SCN2A: variants seen among roughly 807,000 people sequenced by gnomAD.
The protein encoded by SCN2A is sodium channel protein type 2 subunit alpha.
In SCN2A, 20 loss-of-function variants were observed where a neutral mutation model predicts 188.7. The ratio of observed to expected loss-of-function variants is 0.11; its 90% CI spans 0.07 to 0.15. SCN2A has a LOEUF of 0.15. Ranked by LOEUF, SCN2A falls within the 10% of genes least tolerant of loss-of-function variation. SCN2A has a pLI of 1.00. For missense variants in SCN2A, 1,278 were observed against 2,445.0 expected (o/e 0.52, Z 10.07); for synonymous variants, 804 against 833.1 (o/e 0.97, Z 0.60).
intron 1 of SCN2A, among the ~76,000 whole-genome samples, chr2:165,246,200 A>G (rs1297870241): frequency 1.3e-5 from 2 of 152,212 alleles, no homozygotes; most frequent in South Asian, 2.1e-4. Flanking sequence ...GTTTTCATGA[A>G]TGTGTAATCC....
intron 11 of SCN2A, among the ~76,000 whole-genome samples, chr2:165,321,104 A>G (rs1049825432): frequency 6.6e-6 from 1 of 152,210 alleles, no homozygotes; most frequent in African/African-American, 2.4e-5. Context: ...TTCTTCTGCC[A>G]GATACTCTAA....
intron 17 of SCN2A, among the ~76,000 whole-genome samples, chr2:165,359,324 G>T (rs550848233): frequency 6.6e-6 from 1 of 152,168 alleles, no homozygotes; most frequent in East Asian, 1.9e-4. Flanking sequence ...GGCACTTTCG[G>T]ATAATAGCTT....
rs746635681 is a variant in SCN2A, at chr2:165,331,352, A to G, written c.2172A>G (p.Lys724=). 1 of 1,613,726 alleles carries G rather than the reference A, an allele frequency of 6.2e-7. No individual in the cohort carries two copies. The highest frequency in any genetic ancestry group is 2.2e-5 in the East Asian group (1 of 44,882). Reference sequence around the variant, plus strand: ...CAGAACTTGAAGAATCCAGACAGAAATGCCCACCATGCTGGTATAAATTTG... The same window carrying G: ...CAGAACTTGAAGAATCCAGACAGAAGTGCCCACCATGCTGGTATAAATTTG... The part of the protein sequence containing the change: ...TMEELEESRQ[K]CPPCWYKFAN... The change falls in exon 14 of 27, where the codon AAA becomes AAG. Residue 724 remains lysine (K), a synonymous_variant. Coordinates refer to ENST00000375437, the MANE Select transcript of SCN2A (RefSeq NM_001040142.2).
intron 10 of SCN2A, among the ~76,000 whole-genome samples, chr2:165,315,080 T>A (rs975944049): frequency 2.0e-5 from 3 of 152,194 alleles, no homozygotes; most frequent in African/African-American, 7.2e-5. Context: ...TTCTTTATTG[T>A]GTGAAAATGG....
intron 1 of SCN2A, among the ~76,000 whole-genome samples, chr2:165,255,722 A>G (rs1332384010): frequency 6.6e-6 from 1 of 152,086 alleles, no homozygotes; most frequent in African/African-American, 2.4e-5. Flanking sequence ...TTGATGATAT[A>G]TTTTCTCAGC....
At chr2:165,288,731 CAT>C (rs66684641) in intron 1 of SCN2A, among the ~76,000 whole-genome samples, 41,407 of 132,198 alleles carry the variant, frequency 0.31, 5,919 homozygotes, top group Middle Eastern at 0.45. Flanking sequence ...GATACATATA[CAT>C]GTGTGTGTGT....
At chr2:165,247,279 T>C (rs550928485) in intron 1 of SCN2A, among the ~76,000 whole-genome samples, 8 of 152,330 alleles carry the variant, frequency 5.3e-5, no homozygotes, top group Middle Eastern at 3.4e-3. Flanking sequence ...TTCCTTCAAC[T>C]ATCTTTTTTT....
intron 1 of SCN2A, among the ~76,000 whole-genome samples, chr2:165,245,694 A>G (rs1408730679): frequency 6.6e-6 from 1 of 152,178 alleles, no homozygotes; most frequent in Non-Finnish European, 1.5e-5. Context: ...TGTCATCTAA[A>G]CCAGGATTCA....
At chr2:165,379,472 A>T (rs1186221391) in intron 23 of SCN2A, among the ~76,000 whole-genome samples, 1 of 151,720 alleles carries the variant, frequency 6.6e-6, no homozygotes, top group African/African-American at 2.4e-5. Context: ...AGCAGGGATG[A>T]TGGAGTTTAT....
intron 1 of SCN2A, among the ~76,000 whole-genome samples, chr2:165,277,443 T>A (rs553213084): frequency 6.6e-6 from 1 of 152,310 alleles, no homozygotes; most frequent in Admixed American, 6.5e-5. Flanking sequence ...ATAGGGAGAA[T>A]GTAGAAATAA....
chr2:165,338,275 T>G (rs1699108999), intron 14 of SCN2A, among the ~76,000 whole-genome samples: 1 of 151,684 alleles, frequency 6.6e-6, no homozygotes. Context: ...TTTTTTTTTT[T>G]TTGAGACGGA....
At chr2:165,305,351 A>G (rs1697060754) in intron 3 of SCN2A, among the ~76,000 whole-genome samples, 1 of 152,228 alleles carries the variant, frequency 6.6e-6, no homozygotes, top group Non-Finnish European at 1.5e-5. Context: ...TCCTATGGAC[A>G]ATCAAGTATG....
intron 1 of SCN2A, among the ~76,000 whole-genome samples, chr2:165,290,145 TATAAC>T (rs774064411): frequency 3.9e-5 from 6 of 152,164 alleles, no homozygotes; most frequent in Non-Finnish European, 8.8e-5. Context: ...TTTCAATACA[TATAAC>T]ATATACTGAT....
chr2:165,376,150 ATATAT>A (rs1388785873), intron 22 of SCN2A, among the ~76,000 whole-genome samples: 1 of 151,944 alleles, frequency 6.6e-6, no homozygotes, highest in East Asian at 1.9e-4. Context: ...GTTAATAATA[ATATAT>A]TATATACTTG....
In SCN2A at chr2:165,291,440, T is replaced by TTCTTTC. The variant is rs1214465225; in HGVS notation, c.-51-4331_-51-4326dup. ...CCTCCCTGTCTGTCTTTCTTTCTCT[T>TTCTTTC]TCTTTCTTTCTTTCTTTCTTTCTTT... On this transcript the variant is annotated intron_variant, in intron 1 of 26. Coordinates refer to ENST00000375437, the MANE Select transcript of SCN2A (RefSeq NM_001040142.2). Among the ~76,000 whole-genome samples, 34 of 24,184 alleles carry TTCTTTC rather than the reference T, an allele frequency of 1.4e-3. 1 individual carries two copies. Among genetic ancestry groups the TTCTTTC allele is most frequent in the African/African-American group, 4.3e-3 (34 of 7,842 alleles). 15.9% of individuals were successfully genotyped at this position (24,184 alleles called of 152,430 possible).
chr2:165,315,469 AGGC>A lies in SCN2A; in HGVS notation c.1386_1388del (p.Ala467del). 1.9e-6 allele frequency: 3 copies of A among 1,613,806 alleles called. No individual in the cohort carries two copies. The highest frequency in any genetic ancestry group is 2.5e-6 in the Non-Finnish European group (3 of 1,179,752). On this transcript the variant is annotated splice_acceptor_variant and coding_sequence_variant, in exon 11 of 27. Transcript: ENST00000375437. LOFTEE classifies it high-confidence loss of function. ...ACTTCCACATACTTTGCGCCCTTCT[AGGC>A]GGCAGCTGCAGCCGCATCTGCTGAA...
chr2:165,315,771 A>G lies in SCN2A; in HGVS notation c.1671+13A>G. ...TTCTCCACACCAGGTAAAAATATTA[A>G]ATTACATGAATTGTGTTCTCATAAA... On this transcript the variant is annotated intron_variant, in intron 11 of 26. Coordinates refer to ENST00000375437, the MANE Select transcript of SCN2A (RefSeq NM_001040142.2). 1 of 1,607,538 alleles carries G rather than the reference A, an allele frequency of 6.2e-7. No individual in the cohort carries two copies. The highest frequency in any genetic ancestry group is 8.5e-7 in the Non-Finnish European group (1 of 1,176,090).
chr2:165,271,745 C>T (rs1695114445), intron 1 of SCN2A: 1 of 152,112 alleles, frequency 6.6e-6, no homozygotes, highest in Admixed American at 6.6e-5. Context: ...GAGACAATCA[C>T]TGTTCCAATT....
In SCN2A at chr2:165,348,660, G is replaced by A. The variant is rs368655655; in HGVS notation, c.2919+3749G>A. 2.6e-5 allele frequency among the ~76,000 whole-genome samples: 4 copies of A among 152,282 alleles called. No homozygotes were observed. In the East Asian group the frequency reaches 7.7e-4, roughly 29 times the overall value. On this transcript the variant is annotated intron_variant, in intron 16 of 26. Coordinates refer to ENST00000375437, the MANE Select transcript of SCN2A (RefSeq NM_001040142.2). ...ATTTGGGGAATAAGTTAGCTGGGTG[G>A]TTCTGGTTTAGGATCAGTCATGAAG... is the stretch of plus-strand genomic sequence containing the variant.
Sources: gnomAD v4.1 joint callset for allele counts (sites outside exome capture counted in the v4.1 genomes callset) on GRCh38, gnomAD v4.1.1 for gene constraint, MANE v1.5 for transcripts, NCBI Gene and HGNC (gene_info 2026-07-23, HGNC 2026-07-21) for gene names.